Variants in SNX2 observed in about 807,000 individuals in gnomAD.
SNX2 encodes the protein sorting nexin-2.
Under a neutral mutation model 69.9 loss-of-function variants are expected in SNX2, and 25 were observed. That is an observed-to-expected ratio of 0.36 (90% CI 0.26 to 0.50). The LOEUF (loss-of-function observed/expected upper bound fraction) is 0.50. Among genes scored for constraint, SNX2 ranks in the 20% least tolerant of loss-of-function variants. The probability of loss-of-function intolerance (pLI) is 0.97; values close to 1 mark genes in which losing one functional copy is unlikely to be tolerated. For synonymous variants in SNX2, 229 were observed against 200.4 expected, an observed-to-expected ratio of 1.14 and a Z score of -1.20; for missense variants, 551 against 613.3, an observed-to-expected ratio of 0.90 and a Z score of 1.07.
rs368756209 is a variant in SNX2 at position 122,775,231 on chromosome 5, G to C, written c.108+20G>C. 1 of 1,543,634 alleles carries C rather than the reference G, an allele frequency of 6.5e-7. No homozygotes were observed. Among genetic ancestry groups the C allele is most frequent in the Non-Finnish European group, 8.8e-7 (1 of 1,142,128 alleles). On this transcript the variant is annotated intron_variant, in intron 1 of 14. Coordinates refer to ENST00000379516, the MANE Select transcript of SNX2 (RefSeq NM_003100.4). ...CTAGAGGTGAGACCGCGTCGCTGCG[G>C]GTGCTGCGCTGCGTAGCTGCCGCGC...
At chr5:122,799,236 A>C (rs553157559) in intron 2 of SNX2, among the ~76,000 whole-genome samples, 1 of 152,290 alleles carries the variant, frequency 6.6e-6, no homozygotes, top group South Asian at 2.1e-4. Context: ...TATATTACTA[A>C]CTTTGTAGCT....
rs555773959 is a variant in SNX2, at chr5:122,832,461, A to G, written c.*2813A>G. ...CCTTGATTGTATTTTCTACTGAACT[A>G]TTTTCAAGTATTCAGCTTTATACTA... On this transcript the variant is annotated 3_prime_UTR_variant, in exon 15 of 15. Transcript: ENST00000379516. 2.0e-5 allele frequency: 3 copies of G among 152,266 alleles called. No homozygotes were observed. Among genetic ancestry groups the G allele is most frequent in the African/African-American group, 4.8e-5 (2 of 41,556 alleles). The allele number at this position is 152,266 out of a possible 1,614,324, so 9.4% of individuals were successfully genotyped here. A position where few individuals can be genotyped will look rare whatever the true frequency, so the allele number is the denominator to read the frequency against.
intron 7 of SNX2, among the ~76,000 whole-genome samples, chr5:122,813,767 C>CTTTTT (rs546503535): frequency 6.9e-5 from 8 of 115,364 alleles, no homozygotes; most frequent in Non-Finnish European, 1.0e-4. Context: ...AGAATATTTC[C>CTTTTT]TTTTTTTTTT....
chr5:122,821,516 C>T (rs1016154938), intron 11 of SNX2, among the ~76,000 whole-genome samples: 33 of 149,604 alleles, frequency 2.2e-4, no homozygotes, highest in African/African-American at 6.2e-4. Context: ...AGTGCAGTGG[C>T]GTGATTTCGG....
At chr5:122,805,333 C>A (rs1442666137) in intron 6 of SNX2, among the ~76,000 whole-genome samples, 1 of 151,480 alleles carries the variant, frequency 6.6e-6, no homozygotes, top group Admixed American at 6.6e-5. Context: ...ATTTTTTCCC[C>A]CAAGCTGGTC....
intron 3 of SNX2, among the ~76,000 whole-genome samples, chr5:122,800,775 A>G (rs1343986427): frequency 2.0e-5 from 3 of 151,098 alleles, no homozygotes; most frequent in Admixed American, 2.0e-4. Context: ...CTTGAAATAA[A>G]ACAATTATGG....
intron 14 of SNX2, among the ~76,000 whole-genome samples, chr5:122,829,151 T>TA (rs1320643123): frequency 1.3e-5 from 2 of 152,070 alleles, no homozygotes; most frequent in Admixed American, 6.6e-5. Context: ...CAGACGTTAG[T>TA]AAATATTAGT....
intron 1 of SNX2, among the ~76,000 whole-genome samples, chr5:122,781,548 G>A (rs1752981188): frequency 6.6e-6 from 1 of 152,166 alleles, no homozygotes; most frequent in Admixed American, 6.5e-5. Context: ...GCTGGGTTGT[G>A]TGGTAAATAT....
Position 122,829,705 on chromosome 5 carries a change from CCA to C in SNX2, c.*60_*61del, listed in dbSNP as rs1754239563. The C allele has an allele frequency of 1.4e-6, 2 of 1,403,762 alleles. No individual in the cohort carries two copies. Among genetic ancestry groups the C allele is most frequent in the Non-Finnish European group, 2.0e-6 (2 of 990,404 alleles). 87.0% of individuals were successfully genotyped at this position (1,403,762 alleles called of 1,614,324 possible). On this transcript the variant is annotated 3_prime_UTR_variant, in exon 15 of 15. Coordinates refer to ENST00000379516, the MANE Select transcript of SNX2 (RefSeq NM_003100.4). ...GATGTTGTTCCAGTTATGCTGGATTCCACAGTGAAATCATTTAAAACCATCTA... is the reference window on the plus strand; with the variant it reads ...GATGTTGTTCCAGTTATGCTGGATTCCAGTGAAATCATTTAAAACCATCTA...
At chr5:122,816,817 TG>T (rs901843481) in intron 8 of SNX2, 97 bp from the exon 9 acceptor site, 53 of 412,490 alleles carry the variant, frequency 1.3e-4, no homozygotes, top group African/African-American at 2.6e-4. Context: ...AATTTGTATG[TG>T]GGGGGGAGGG....
chr5:122,776,648 G>A (rs537418992), intron 1 of SNX2, among the ~76,000 whole-genome samples: 21 of 152,244 alleles, frequency 1.4e-4, no homozygotes, highest in African/African-American at 5.1e-4. Context: ...ACATGTACAT[G>A]TGTTGAAAGT....
At chr5:122,789,945 T>C (rs1753191112) in intron 1 of SNX2, among the ~76,000 whole-genome samples, 1 of 152,216 alleles carries the variant, frequency 6.6e-6, no homozygotes, top group South Asian at 2.1e-4. Flanking sequence ...CTTGTATGAG[T>C]TATCTGTTGC....
In SNX2 at chr5:122,809,455, G is replaced by A. The variant is rs191058902; in HGVS notation, c.722+1100G>A. Among the ~76,000 whole-genome samples the A allele has an allele frequency of 5.3e-5, 8 of 152,282 alleles. No homozygotes were observed. In the East Asian group the frequency reaches 1.4e-3, roughly 26 times the overall value. The stretch of plus-strand genomic sequence containing the variant: ...AAAAGGGGGACAGATGGGAGGATGG[G>A]AAGAACCACACTTCCATAATCTTAG... On this transcript the variant is annotated intron_variant, in intron 7 of 14. Transcript: ENST00000379516.
chr5:122,806,481 G>A (rs940428954), intron 6 of SNX2, among the ~76,000 whole-genome samples: 18 of 152,110 alleles, frequency 1.2e-4, no homozygotes, highest in Non-Finnish European at 2.4e-4. Context: ...TCATTAGCAC[G>A]TAACTCTCTA....
rs982912937 is a variant in SNX2, at chr5:122,831,868, A to G, written c.*2220A>G. ...ATATTTTCAGCCTTGATTAAACTCT[A>G]GACTCCCTTCCAGACTTCCATTTCC... On this transcript the variant is annotated 3_prime_UTR_variant, in exon 15 of 15. Coordinates refer to ENST00000379516, the MANE Select transcript of SNX2 (RefSeq NM_003100.4). Among the ~76,000 whole-genome samples, 2 of 152,210 alleles carry G rather than the reference A, an allele frequency of 1.3e-5. No homozygotes were observed. Among genetic ancestry groups the G allele is most frequent in the Non-Finnish European group, 2.9e-5 (2 of 68,034 alleles).
At chr5:122,811,850 T>TAAATAAATAAATAAAA (rs1554063578) in intron 7 of SNX2, among the ~76,000 whole-genome samples, 11 of 150,900 alleles carry the variant, frequency 7.3e-5, no homozygotes, top group Admixed American at 1.3e-4. Context: ...AATAAATAAA[T>TAAATAAATAAATAAAA]AAATAAATAA....
intron 1 of SNX2, among the ~76,000 whole-genome samples, chr5:122,793,928 A>C (rs1252841633): frequency 6.6e-6 from 1 of 151,740 alleles, no homozygotes; most frequent in African/African-American, 2.4e-5. Context: ...AAAAAAAAAA[A>C]AAAGACCTGG....
At chr5:122,776,980 A>C (rs913087199) in intron 1 of SNX2, among the ~76,000 whole-genome samples, 1 of 152,048 alleles carries the variant, frequency 6.6e-6, no homozygotes, top group Non-Finnish European at 1.5e-5. Flanking sequence ...TATTTAATGT[A>C]CTCATTTAGG....
Sources: allele counts gnomAD v4.1 joint callset (sites outside exome capture counted in the v4.1 genomes callset), GRCh38; gene constraint gnomAD v4.1.1; transcripts MANE v1.5; gene names NCBI Gene and HGNC (gene_info 2026-07-23, HGNC 2026-07-21).